The following PCDH11X variants were observed in gnomAD, a reference collection of about 807,000 sequenced individuals.
PCDH11X encodes protocadherin 11 X-linked.
PCDH11X carries 18 observed loss-of-function variants against 53.3 expected under a neutral mutation model. The observed-to-expected ratio is 0.34, with a 90% CI of 0.23 to 0.50. The LOEUF (loss-of-function observed/expected upper bound fraction) is 0.50. Among genes scored for constraint, PCDH11X ranks in the 20% least tolerant of loss-of-function variants. The pLI, the probability that PCDH11X is intolerant of heterozygous loss-of-function variation, is 0.98. For synonymous variants in PCDH11X, 279 were observed against 393.3 expected (o/e 0.71, Z 3.44); for missense variants, 570 against 1,032.4 (o/e 0.55, Z 6.14).
At chrX:92,107,591 C>T (rs1459615205) in intron 6 of PCDH11X, among the ~76,000 whole-genome samples, 1 of 112,181 alleles carries the variant, frequency 8.9e-6, no homozygotes, top group African/African-American at 3.2e-5. Context: ...ACAAAATTAG[C>T]AGGGCATGGT....
At chrX:91,909,823 T>A (rs1941313555) in intron 6 of PCDH11X, among the ~76,000 whole-genome samples, 1 of 111,744 alleles carries the variant, frequency 8.9e-6, no homozygotes, top group African/African-American at 3.3e-5. Context: ...TATATTCAAG[T>A]TGTACAACGT....
At chrX:92,026,483 A>G (rs983034561) in intron 6 of PCDH11X, among the ~76,000 whole-genome samples, 1 of 111,068 alleles carries the variant, frequency 9.0e-6, no homozygotes, top group Admixed American at 9.6e-5. Flanking sequence ...AAGAGGAGAT[A>G]CATTTCCCAT....
At chrX:92,009,967 A>G (rs774339604) in intron 6 of PCDH11X, among the ~76,000 whole-genome samples, 28 of 110,491 alleles carry the variant, frequency 2.5e-4, no homozygotes, top group Admixed American at 8.8e-4. Context: ...GGCCTCCCAA[A>G]GGGCTGGGAT....
At chrX:92,279,998 C>T (rs2068210634) in intron 8 of PCDH11X, among the ~76,000 whole-genome samples, 1 of 111,904 alleles carries the variant, frequency 8.9e-6, no homozygotes, top group South Asian at 3.7e-4. Context: ...TTTTTAGATA[C>T]ATTTACATAC....
chrX:92,316,360 C>G (rs2148487570), intron 8 of PCDH11X, among the ~76,000 whole-genome samples: 1 of 110,288 alleles, frequency 9.1e-6, no homozygotes, highest in Non-Finnish European at 1.9e-5. Flanking sequence ...CTAAACAGAC[C>G]AGTGAATGCT....
intron 8 of PCDH11X, among the ~76,000 whole-genome samples, chrX:92,269,061 A>G (rs1242112919): frequency 8.9e-6 from 1 of 112,148 alleles, no homozygotes; most frequent in African/African-American, 3.2e-5. Flanking sequence ...TTTTGAGCAT[A>G]GTCCTCCCTT....
At chrX:91,971,987 A>C (rs928062679) in intron 6 of PCDH11X, among the ~76,000 whole-genome samples, 9 of 111,624 alleles carry the variant, frequency 8.1e-5, no homozygotes, top group African/African-American at 2.3e-4. Context: ...AAGTTCAAGA[A>C]AACTATTGTG....
At chrX:91,794,352 C>T (rs889663739) in intron 1 of PCDH11X, among the ~76,000 whole-genome samples, 11 of 111,262 alleles carry the variant, frequency 9.9e-5, no homozygotes, top group Admixed American at 2.9e-4. Context: ...TTAGGAGTAA[C>T]TTAAGATTCC....
intron 10 of PCDH11X, among the ~76,000 whole-genome samples, chrX:92,602,113 G>T (rs187827272): frequency 9.0e-6 from 1 of 111,114 alleles, no homozygotes; most frequent in African/African-American, 3.3e-5. Context: ...CATTTTTATC[G>T]TGAGAGCAGT....
intron 6 of PCDH11X, among the ~76,000 whole-genome samples, chrX:92,106,472 AT>A (rs1170357752): frequency 2.7e-5 from 3 of 111,813 alleles, no homozygotes; most frequent in African/African-American, 9.8e-5. Context: ...ATGGAGCAAA[AT>A]TGGAAGTAAC....
intron 8 of PCDH11X, among the ~76,000 whole-genome samples, chrX:92,375,913 T>C (rs1479489644): frequency 8.9e-6 from 1 of 112,011 alleles, no homozygotes; most frequent in Non-Finnish European, 1.9e-5. Flanking sequence ...TGAGCCACCG[T>C]GCCTGGCCTT....
chrX:91,781,484 A>G (rs1421924607), intron 1 of PCDH11X, among the ~76,000 whole-genome samples: 2 of 112,908 alleles, frequency 1.8e-5, no homozygotes, highest in Non-Finnish European at 3.7e-5. Flanking sequence ...GCCCCCTAAA[A>G]AGTAAAACAG....
chrX:92,166,941 C>A (rs914567865), intron 6 of PCDH11X, among the ~76,000 whole-genome samples: 2 of 110,580 alleles, frequency 1.8e-5, no homozygotes, highest in Non-Finnish European at 3.8e-5. Flanking sequence ...AATTAGTTGG[C>A]TGAATGACAA....
chrX:92,561,218 A>G (rs1454944524), intron 10 of PCDH11X, among the ~76,000 whole-genome samples: 2 of 107,257 alleles, frequency 1.9e-5, no homozygotes, highest in African/African-American at 6.8e-5. Context: ...TACAATAAAT[A>G]CCTGACTATT....
intron 6 of PCDH11X, among the ~76,000 whole-genome samples, chrX:91,884,190 CAAA>C (rs34953838): frequency 1.3e-4 from 5 of 37,751 alleles, no homozygotes; most frequent in African/African-American, 5.6e-4. Context: ...GACTCCGTCT[CAAA>C]AAAAAAAAAA....
At chrX:92,473,483 C>T (rs2750763) in intron 10 of PCDH11X, among the ~76,000 whole-genome samples, 3 of 111,268 alleles carry the variant, frequency 2.7e-5, no homozygotes, top group Non-Finnish European at 5.7e-5. Flanking sequence ...TTTTCTTCTA[C>T]TAATATTGGA....
At chrX:92,339,213 C>T (rs1277529493) in intron 8 of PCDH11X, among the ~76,000 whole-genome samples, 13 of 111,785 alleles carry the variant, frequency 1.2e-4, no homozygotes, top group African/African-American at 3.6e-4. Context: ...ACTGGCTATC[C>T]ACATACAGAA....
intron 6 of PCDH11X, among the ~76,000 whole-genome samples, chrX:91,957,991 C>T (rs1398702070): frequency 9.1e-6 from 1 of 109,949 alleles, no homozygotes; most frequent in Non-Finnish European, 1.9e-5. Flanking sequence ...TCAGAGAGGT[C>T]CTGCCCAGTG....
chrX:92,005,891 A>T (rs997595024), intron 6 of PCDH11X, among the ~76,000 whole-genome samples: 1 of 111,682 alleles, frequency 9.0e-6, no homozygotes, highest in African/African-American at 3.3e-5. Flanking sequence ...CTAGGGTAAA[A>T]GTTGTTTTTC....
Sources: allele counts gnomAD v4.1 joint callset (sites outside exome capture counted in the v4.1 genomes callset), GRCh38; gene constraint gnomAD v4.1.1; transcripts MANE v1.5; gene names NCBI Gene and HGNC (gene_info 2026-07-23, HGNC 2026-07-21).